The following NRXN1 variants were observed in gnomAD, a reference collection of about 807,000 sequenced individuals.
NRXN1 encodes the protein neurexin 1.
A neutral mutation model predicts 150.9 loss-of-function variants in NRXN1; 39 were observed. That is an observed-to-expected ratio of 0.26 (90% confidence interval 0.20 to 0.34). The LOEUF (loss-of-function observed/expected upper bound fraction) is 0.34. NRXN1 is among the 10% of genes least tolerant of loss of function. NRXN1 has a pLI of 1.00. For missense variants in NRXN1, 1,815 were observed against 1,949.9 expected (o/e 0.93, Z 1.30); for synonymous variants, 924 against 757.0 (o/e 1.22, Z -3.62).
At chr2:50,667,770 T>C (rs1324585899) in intron 5 of NRXN1, among the ~76,000 whole-genome samples, 1 of 152,002 alleles carries the variant, frequency 6.6e-6, no homozygotes, top group Non-Finnish European at 1.5e-5. Context: ...CCTGGCTTTA[T>C]ATTCCTAAGT....
At chr2:50,631,057 G>C (rs1198953825) in intron 5 of NRXN1, 3 of 442,072 alleles carry the variant, frequency 6.8e-6, no homozygotes, top group Non-Finnish European at 1.4e-5. Flanking sequence ...GTGTAACTGA[G>C]AAATTAAAAC....
chr2:50,459,038 T>C (rs1166382119), intron 17 of NRXN1, among the ~76,000 whole-genome samples: 3 of 152,140 alleles, frequency 2.0e-5, no homozygotes, highest in African/African-American at 7.2e-5. Context: ...TGATGTAATC[T>C]ACATAAATTT....
chr2:50,277,562 C>A (rs1009059596), intron 17 of NRXN1, among the ~76,000 whole-genome samples: 1 of 148,568 alleles, frequency 6.7e-6, no homozygotes, highest in East Asian at 2.0e-4. Context: ...CTTTCTCTTT[C>A]TTTCTTTCTT....
intron 5 of NRXN1, among the ~76,000 whole-genome samples, chr2:50,652,821 C>T (rs1443352891): frequency 6.6e-6 from 1 of 151,998 alleles, no homozygotes; most frequent in Admixed American, 6.6e-5. Context: ...ATGAAGGTTC[C>T]ATTTATCCAT....
intron 2 of NRXN1, among the ~76,000 whole-genome samples, chr2:51,021,682 T>C (rs1488939315): frequency 6.6e-6 from 1 of 151,964 alleles, no homozygotes; most frequent in Admixed American, 6.6e-5. Context: ...GTAAATAACT[T>C]TAATGTATAA....
At position 50,373,678 on chromosome 2, in the gene NRXN1, G is replaced by GA. The variant is rs779166297; in HGVS notation, c.3364+91763dup. On this transcript the variant is annotated intron_variant, in intron 17 of 22. Coordinates refer to ENST00000401669, the MANE Select transcript of NRXN1 (RefSeq NM_001330078.2). Reference sequence around the variant, plus strand: ...AGAAAGAAAGAAAGAAAGAAAGAAAGAAAAGAAAGAAGGAAAGAAAGAAAG... The same window carrying GA: ...AGAAAGAAAGAAAGAAAGAAAGAAAGAAAAAGAAAGAAGGAAAGAAAGAAAG... 5.4e-4 allele frequency among the ~76,000 whole-genome samples: 39 copies of GA among 72,582 alleles called. 1 individual carries two copies. In the East Asian group the frequency reaches 0.015, roughly 28 times the overall value. 47.6% of individuals were successfully genotyped at this position (72,582 alleles called of 152,430 possible).
chr2:50,074,911 C>T (rs899381018), intron 19 of NRXN1, among the ~76,000 whole-genome samples: 2 of 151,054 alleles, frequency 1.3e-5, no homozygotes, highest in Non-Finnish European at 3.0e-5. Flanking sequence ...AGTCATTATG[C>T]TTAGTTTATC....
At chr2:50,769,470 AACAATTC>A (rs1702754984) in intron 5 of NRXN1, among the ~76,000 whole-genome samples, 1 of 152,128 alleles carries the variant, frequency 6.6e-6, no homozygotes, top group Non-Finnish European at 1.5e-5. Context: ...CTCAGTCAAA[AACAATTC>A]ACAGGTTAGA....
rs540788099 is a variant in NRXN1 at position 51,002,463 on chromosome 2, G to A, written c.772+25039C>T. ...TGCTATAGTGTACCATTGCTTCTGT[G>A]TTCCAAAACACAAAACGATTCATAT... is the stretch of plus-strand genomic sequence containing the variant. On this transcript the variant is annotated intron_variant, in intron 2 of 22. Transcript: ENST00000401669. 1.4e-4 allele frequency among the ~76,000 whole-genome samples: 21 copies of A among 151,994 alleles called. 1 individual carries two copies. In the South Asian group the frequency reaches 4.1e-3, roughly 30 times the overall value.
At chr2:50,363,763 A>C (rs1241349380) in intron 17 of NRXN1, among the ~76,000 whole-genome samples, 1 of 152,238 alleles carries the variant, frequency 6.6e-6, no homozygotes, top group Non-Finnish European at 1.5e-5. Context: ...AGGATTATAA[A>C]TCATTCTACT....
chr2:50,250,747 T>G (rs6738746), intron 17 of NRXN1, among the ~76,000 whole-genome samples: 1 of 152,038 alleles, frequency 6.6e-6, no homozygotes, highest in South Asian at 2.1e-4. Flanking sequence ...TATCATAAAT[T>G]GTGTCATTCT....
At chr2:50,503,922 A>G (rs1459426804) in intron 13 of NRXN1, among the ~76,000 whole-genome samples, 2 of 152,160 alleles carry the variant, frequency 1.3e-5, no homozygotes, top group African/African-American at 4.8e-5. Context: ...CAGATGGGAT[A>G]CTGTATAGAG....
intron 8 of NRXN1, among the ~76,000 whole-genome samples, chr2:50,556,334 G>C (rs2105364583): frequency 6.6e-6 from 1 of 152,028 alleles, no homozygotes; most frequent in Middle Eastern, 3.4e-3. Context: ...CTCAATCATG[G>C]GAACACCTTA....
chr2:50,409,035 G>A (rs775250145), intron 17 of NRXN1, among the ~76,000 whole-genome samples: 55 of 152,118 alleles, frequency 3.6e-4, no homozygotes, highest in Non-Finnish European at 7.1e-4. Context: ...TTTTCAAGGG[G>A]AGGGGAGGGT....
intron 5 of NRXN1, among the ~76,000 whole-genome samples, chr2:50,845,775 C>G (rs1673554710): frequency 6.6e-6 from 1 of 152,160 alleles, no homozygotes; most frequent in Admixed American, 6.5e-5. Flanking sequence ...ACCTCCCTCC[C>G]CACCACAGAT....
At chr2:50,041,892 G>A (rs60753347) in intron 21 of NRXN1, among the ~76,000 whole-genome samples, 2,604 of 152,188 alleles carry the variant, frequency 0.017, 79 homozygotes, top group African/African-American at 0.059. Context: ...TTTTACACAT[G>A]TTAATCTGTA....
intron 18 of NRXN1, among the ~76,000 whole-genome samples, chr2:50,161,129 CTGTT>C (rs567536295): frequency 1.7e-3 from 253 of 152,244 alleles, no homozygotes; most frequent in Non-Finnish European, 2.6e-3. Flanking sequence ...ACTGCCAAGA[CTGTT>C]TGTAGTACTT....
rs1447279250 is a variant in NRXN1 at position 49,919,299 on chromosome 2, T to A, written c.*2645A>T. The A allele has an allele frequency of 2.6e-5, 4 of 152,044 alleles. No individual in the cohort carries two copies. The highest frequency in any genetic ancestry group is 5.9e-5 in the Non-Finnish European group (4 of 67,950). The allele number at this position is 152,044 out of a possible 1,614,324, so 9.4% of individuals were successfully genotyped here. On this transcript the variant is annotated 3_prime_UTR_variant, in exon 23 of 23. Transcript: ENST00000401669. ...TCTGTTCCTCTCTTTTCTTTTTCCATTGAGGAAAAAATAATTTTTGCTAGA... is the reference window on the plus strand; with the variant it reads ...TCTGTTCCTCTCTTTTCTTTTTCCAATGAGGAAAAAATAATTTTTGCTAGA...
intron 5 of NRXN1, among the ~76,000 whole-genome samples, chr2:50,880,609 T>A (rs930056065): frequency 1.1e-4 from 16 of 152,106 alleles, no homozygotes; most frequent in Non-Finnish European, 2.1e-4. Flanking sequence ...CTTCATATTC[T>A]AAATGAATGT....
Sources: gnomAD v4.1 joint callset for allele counts (sites outside exome capture counted in the v4.1 genomes callset) on GRCh38, gnomAD v4.1.1 for gene constraint, MANE v1.5 for transcripts, NCBI Gene and HGNC (gene_info 2026-07-23, HGNC 2026-07-21) for gene names.